GPC5: variants seen among roughly 807,000 people sequenced by gnomAD.
GPC5 encodes glypican-5.
Under a neutral mutation model 53.9 loss-of-function variants are expected in GPC5, and 47 were observed. The ratio of observed to expected loss-of-function variants is 0.87; its 90% confidence interval spans 0.69 to 1.11. The LOEUF is 1.11. Among genes scored for constraint, GPC5 ranks in the 50% most tolerant of loss-of-function variants. GPC5 has a pLI of 0.00. For synonymous variants in GPC5, 286 were observed against 263.3 expected (o/e 1.09, Z -0.84); for missense variants, 748 against 713.1 (o/e 1.05, Z -0.56).
chr13:92,495,576 A>G (rs1213741687), intron 7 of GPC5, among the ~76,000 whole-genome samples: 1 of 152,040 alleles, frequency 6.6e-6, no homozygotes, highest in East Asian at 1.9e-4. Context: ...TAAACTCCAT[A>G]ACCCAGAAAA....
chr13:92,388,793 G>A (rs148237369), intron 7 of GPC5, among the ~76,000 whole-genome samples: 7 of 152,226 alleles, frequency 4.6e-5, no homozygotes, highest in African/African-American at 1.7e-4. Context: ...GACTAGGATG[G>A]AACTAAACTG....
chr13:92,112,325 T>C (rs529206107), intron 6 of GPC5, among the ~76,000 whole-genome samples: 2 of 151,860 alleles, frequency 1.3e-5, no homozygotes, highest in East Asian at 3.9e-4. Context: ...AGATAGAAGA[T>C]TGAAGATAAT....
intron 2 of GPC5, among the ~76,000 whole-genome samples, chr13:91,622,898 A>T (rs2033900074): frequency 6.6e-6 from 1 of 152,170 alleles, no homozygotes; most frequent in Non-Finnish European, 1.5e-5. Context: ...ATATTCAGTG[A>T]TTCAGAGAGG....
chr13:92,291,577 C>CA (rs2042996141), intron 7 of GPC5, among the ~76,000 whole-genome samples: 2 of 152,186 alleles, frequency 1.3e-5, no homozygotes, highest in Admixed American at 6.5e-5. Flanking sequence ...ATGGACCAAT[C>CA]AGCAGGATGT....
chr13:92,309,904 C>T (rs1566531931), intron 7 of GPC5, among the ~76,000 whole-genome samples: 1 of 152,100 alleles, frequency 6.6e-6, no homozygotes, highest in Non-Finnish European at 1.5e-5. Flanking sequence ...CATTCTCTCC[C>T]TGCAACCTAC....
chr13:91,582,507 G>T (rs2139096968), intron 2 of GPC5, among the ~76,000 whole-genome samples: 1 of 152,026 alleles, frequency 6.6e-6, no homozygotes, highest in African/African-American at 2.4e-5. Context: ...GACTCACAGA[G>T]GTTCCAGACA....
chr13:92,658,307 A>C (rs1886207277), intron 7 of GPC5, among the ~76,000 whole-genome samples: 1 of 152,224 alleles, frequency 6.6e-6, no homozygotes, highest in African/African-American at 2.4e-5. Flanking sequence ...AATATTTATC[A>C]ATCATTATGA....
chr13:91,638,273 C>A (rs1185662204), intron 2 of GPC5, among the ~76,000 whole-genome samples: 1 of 152,142 alleles, frequency 6.6e-6, no homozygotes, highest in African/African-American at 2.4e-5. Context: ...TGTGTTTTCT[C>A]ATTTCTAAAT....
At chr13:92,203,524 T>G (rs906318047) in intron 7 of GPC5, among the ~76,000 whole-genome samples, 2 of 133,060 alleles carry the variant, frequency 1.5e-5, no homozygotes, top group African/African-American at 5.7e-5. Context: ...CATTGGGAGA[T>G]ATACCTAATG....
intron 6 of GPC5, among the ~76,000 whole-genome samples, chr13:92,079,012 T>C (rs1204111621): frequency 2.0e-5 from 3 of 152,134 alleles, no homozygotes; most frequent in Non-Finnish European, 2.9e-5. Context: ...TGTGAGTCAT[T>C]GACTACCACT....
chr13:91,506,182 A>G (rs1884932443), intron 2 of GPC5, among the ~76,000 whole-genome samples: 3 of 152,086 alleles, frequency 2.0e-5, no homozygotes, highest in African/African-American at 7.2e-5. Context: ...ATTCTCTTTC[A>G]CTATATTCTA....
rs183637026 is a variant in GPC5 at position 91,671,413 on chromosome 13, G to T, written c.326-21774G>T. Reference sequence around the variant, plus strand: ...GTGTAAAGGAATGCTTGTGATTTTTGCACGTCGATTTTGTATCCTGAGACT... The same window carrying T: ...GTGTAAAGGAATGCTTGTGATTTTTTCACGTCGATTTTGTATCCTGAGACT... On this transcript the variant is annotated intron_variant, in intron 2 of 7. Coordinates refer to ENST00000377067, the MANE Select transcript of GPC5 (RefSeq NM_004466.6). Among the ~76,000 whole-genome samples, 961 of 152,124 alleles carry T rather than the reference G, an allele frequency of 6.3e-3. 13 individuals are homozygous for T. The highest frequency in any genetic ancestry group is 0.023 in the African/African-American group (937 of 41,506).
chr13:91,418,615 G>A (rs529896798), intron 1 of GPC5, among the ~76,000 whole-genome samples: 26 of 152,160 alleles, frequency 1.7e-4, no homozygotes, highest in Non-Finnish European at 3.5e-4. Flanking sequence ...AAAGGTGAAC[G>A]GGTGAGGCAG....
In GPC5 at chr13:91,778,300, G is replaced by C. The variant is rs2037744068; in HGVS notation, c.1280+21880G>C. ...AAAAGTTTCAGCTGAGTAGCCAGTT[G>C]AAGGGAGTATACAAGCAAAAGTGAA... is the stretch of plus-strand genomic sequence containing the variant. On this transcript the variant is annotated intron_variant, in intron 5 of 7. Transcript: ENST00000377067. Among the ~76,000 whole-genome samples, 2 of 152,206 alleles carry C rather than the reference G, an allele frequency of 1.3e-5. 1 individual carries two copies. The highest frequency in any genetic ancestry group is 4.1e-4 in the South Asian group (2 of 4,836).
At chr13:91,581,212 G>A (rs190047414) in intron 2 of GPC5, among the ~76,000 whole-genome samples, 33 of 152,264 alleles carry the variant, frequency 2.2e-4, no homozygotes, top group African/African-American at 7.7e-4. Context: ...ATGTGTCTAT[G>A]TGTGTGTCCA....
At chr13:91,591,152 C>CCTT (rs1478462224) in intron 2 of GPC5, among the ~76,000 whole-genome samples, 1 of 152,156 alleles carries the variant, frequency 6.6e-6, no homozygotes, top group Non-Finnish European at 1.5e-5. Context: ...TTTCGGTCAA[C>CCTT]CTTCTATTCT....
intron 7 of GPC5, among the ~76,000 whole-genome samples, chr13:92,385,355 CATATATACAT>C (rs747928179): frequency 0.037 from 3,215 of 86,828 alleles, 119 homozygotes; most frequent in Middle Eastern, 0.052. Flanking sequence ...TACATATATA[CATATATACAT>C]ATATATACAT....
intron 7 of GPC5, among the ~76,000 whole-genome samples, chr13:92,704,559 T>C (rs1887877151): frequency 6.6e-6 from 1 of 152,028 alleles, no homozygotes. Context: ...AATTAAATTA[T>C]TCTTTATATA....
intron 2 of GPC5, among the ~76,000 whole-genome samples, chr13:91,596,474 A>T (rs2032998476): frequency 6.6e-6 from 1 of 152,052 alleles, no homozygotes; most frequent in Non-Finnish European, 1.5e-5. Flanking sequence ...ATTGGCTTTG[A>T]CGTATTGGTT....
Sources: allele counts gnomAD v4.1 joint callset (sites outside exome capture counted in the v4.1 genomes callset), GRCh38; gene constraint gnomAD v4.1.1; transcripts MANE v1.5; gene names NCBI Gene and HGNC (gene_info 2026-07-23, HGNC 2026-07-21).